The following GRIA1 variants were observed in gnomAD, a reference collection of about 807,000 sequenced individuals.
GRIA1 encodes glutamate ionotropic receptor AMPA type subunit 1.
Under a neutral mutation model 99.2 loss-of-function variants are expected in GRIA1, and 31 were observed. That is an observed-to-expected ratio of 0.31 (90% CI 0.23 to 0.42). The LOEUF (loss-of-function observed/expected upper bound fraction) is 0.42. Ranked by LOEUF, GRIA1 falls within the 10% of genes least tolerant of loss-of-function variation. The probability of loss-of-function intolerance (pLI) is 1.00; values close to 1 mark genes in which losing one functional copy is unlikely to be tolerated. For synonymous variants in GRIA1, 438 were observed against 432.4 expected, an observed-to-expected ratio of 1.01 and a Z score of -0.16; for missense variants, 782 against 1,157.5, an observed-to-expected ratio of 0.68 and a Z score of 4.71.
At chr5:153,673,593 C>T (rs565097866) in intron 5 of GRIA1, among the ~76,000 whole-genome samples, 101 of 152,160 alleles carry the variant, frequency 6.6e-4, no homozygotes, top group Non-Finnish European at 1.1e-3. Context: ...AGTTCTGGTG[C>T]TCTCTCTGTT....
At chr5:153,689,145 C>T (rs1197681302) in intron 8 of GRIA1, among the ~76,000 whole-genome samples, 2 of 152,112 alleles carry the variant, frequency 1.3e-5, no homozygotes, top group Admixed American at 6.5e-5. Flanking sequence ...CCACCCACCT[C>T]GGCCTCCCAA....
intron 2 of GRIA1, among the ~76,000 whole-genome samples, chr5:153,578,148 CAAAAAAAAAAAAAAA>C (rs60901793): frequency 1.4e-5 from 1 of 69,322 alleles, no homozygotes. Flanking sequence ...GAGACTCTGT[CAAAAAAAAAAAAAAA>C]AAAAAAAAAA....
At chr5:153,793,607 G>A (rs1765453349) in intron 13 of GRIA1, among the ~76,000 whole-genome samples, 2 of 152,286 alleles carry the variant, frequency 1.3e-5, no homozygotes, top group South Asian at 4.2e-4. Flanking sequence ...ATGCACCAAT[G>A]GGCCCAGCAC....
rs1469008756 is a variant in GRIA1 at position 153,566,409 on chromosome 5, C to T, written c.220+72344C>T. On this transcript the variant is annotated intron_variant, in intron 2 of 15. Transcript: ENST00000285900. The stretch of plus-strand genomic sequence containing the variant: ...GCAACCTCCGCCTCCTGGGTTCAAG[C>T]GATTCCCTTGCCTTAGACTCCCAAG... Among the ~76,000 whole-genome samples, 37 of 147,002 alleles carry T rather than the reference C, an allele frequency of 2.5e-4. 1 individual carries two copies. The highest frequency in any genetic ancestry group is 2.0e-3 in the South Asian group (9 of 4,514).
chr5:153,513,088 T>G (rs1301727891), intron 2 of GRIA1, among the ~76,000 whole-genome samples: 1 of 152,164 alleles, frequency 6.6e-6, no homozygotes, highest in Non-Finnish European at 1.5e-5. Context: ...AAAAAGAAAT[T>G]TTTGTTGTTT....
At chr5:153,763,292 G>A (rs72804610) in intron 11 of GRIA1, among the ~76,000 whole-genome samples, 8,428 of 152,224 alleles carry the variant, frequency 0.055, 296 homozygotes, top group Non-Finnish European at 0.075. Flanking sequence ...CAACAGGCCC[G>A]CGTACTGCTG....
intron 5 of GRIA1, among the ~76,000 whole-genome samples, chr5:153,660,254 A>G (rs1309687047): frequency 6.6e-6 from 1 of 152,200 alleles, no homozygotes; most frequent in Non-Finnish European, 1.5e-5. Context: ...ATAAATTACA[A>G]CAATAATAAC....
intron 2 of GRIA1, among the ~76,000 whole-genome samples, chr5:153,512,328 A>G (rs1342473294): frequency 6.6e-6 from 1 of 152,226 alleles, no homozygotes; most frequent in Non-Finnish European, 1.5e-5. Flanking sequence ...TGTCATATTT[A>G]TAGAGCATGT....
At chr5:153,612,013 C>T (rs1260666438) in intron 2 of GRIA1, among the ~76,000 whole-genome samples, 1 of 152,210 alleles carries the variant, frequency 6.6e-6, no homozygotes, top group Non-Finnish European at 1.5e-5. Context: ...AACAGAGCCT[C>T]AGTTTCTCAC....
intron 2 of GRIA1, among the ~76,000 whole-genome samples, chr5:153,612,952 A>G (rs1296702920): frequency 2.0e-5 from 3 of 152,130 alleles, no homozygotes; most frequent in African/African-American, 7.2e-5. Context: ...GGTTTGAAGA[A>G]CACTTATTTA....
At chr5:153,689,396 G>A (rs1757577164) in intron 8 of GRIA1, among the ~76,000 whole-genome samples, 2 of 152,122 alleles carry the variant, frequency 1.3e-5, no homozygotes, top group South Asian at 4.1e-4. Flanking sequence ...GCTATTTCCT[G>A]GATAGAACAA....
chr5:153,632,189 A>G (rs1753028653), intron 2 of GRIA1, among the ~76,000 whole-genome samples: 1 of 152,204 alleles, frequency 6.6e-6, no homozygotes, highest in Non-Finnish European at 1.5e-5. Context: ...GGAGGCAGGG[A>G]TGAATTAAAG....
intron 2 of GRIA1, among the ~76,000 whole-genome samples, chr5:153,592,570 T>G (rs1404388442): frequency 6.6e-6 from 1 of 152,260 alleles, no homozygotes; most frequent in Non-Finnish European, 1.5e-5. Flanking sequence ...AATCAAATGT[T>G]ACTTCAAGTC....
intron 2 of GRIA1, chr5:153,557,656 T>C (rs1581226763): frequency 6.6e-6 from 1 of 152,184 alleles, no homozygotes; most frequent in Non-Finnish European, 1.5e-5. Flanking sequence ...GTTTAAAGGG[T>C]AAAGACACAA....
intron 11 of GRIA1, among the ~76,000 whole-genome samples, chr5:153,718,646 T>C (rs192356580): frequency 1.3e-5 from 2 of 152,308 alleles, no homozygotes; most frequent in Admixed American, 1.3e-4. Context: ...ACCTAGCACA[T>C]ACCAGAGCCT....
At chr5:153,747,692 T>G (rs1762250991) in intron 11 of GRIA1, among the ~76,000 whole-genome samples, 2 of 152,210 alleles carry the variant, frequency 1.3e-5, no homozygotes, top group Non-Finnish European at 2.9e-5. Flanking sequence ...TTTCTTTCTG[T>G]TTCAGAAAGC....
chr5:153,563,662 C>T (rs1042317579), intron 2 of GRIA1, among the ~76,000 whole-genome samples: 4 of 152,178 alleles, frequency 2.6e-5, no homozygotes, highest in African/African-American at 9.7e-5. Context: ...AGATCAAAAA[C>T]ATCTATTTTC....
At chr5:153,699,568 C>T (rs1228506337) in intron 10 of GRIA1, among the ~76,000 whole-genome samples, 1 of 152,218 alleles carries the variant, frequency 6.6e-6, no homozygotes, top group African/African-American at 2.4e-5. Context: ...AGATACTACT[C>T]CTTCAAAACC....
chr5:153,741,121 C>T (rs1404394263), intron 11 of GRIA1, among the ~76,000 whole-genome samples: 2 of 151,962 alleles, frequency 1.3e-5, no homozygotes, highest in Admixed American at 6.6e-5. Flanking sequence ...GGACTACAGG[C>T]ACCTGCCACC....
Sources: allele counts gnomAD v4.1 joint callset (sites outside exome capture counted in the v4.1 genomes callset), GRCh38; gene constraint gnomAD v4.1.1; transcripts MANE v1.5; gene names NCBI Gene and HGNC (gene_info 2026-07-23, HGNC 2026-07-21).